Variants in NCOA7 observed in about 807,000 individuals in gnomAD.
NCOA7 encodes the protein nuclear receptor coactivator 7, also known as 140 kDa estrogen receptor-associated protein.
In NCOA7, 45 loss-of-function variants were observed where a neutral mutation model predicts 104.3. That is an observed-to-expected ratio of 0.43 (90% CI 0.34 to 0.55). The LOEUF is 0.55. Among genes scored for constraint, NCOA7 ranks in the 20% least tolerant of loss-of-function variants. The pLI is 0.02. For synonymous variants in NCOA7, 398 were observed against 402.3 expected, an observed-to-expected ratio of 0.99 and a Z score of 0.13; for missense variants, 1,041 against 1,119.7, an observed-to-expected ratio of 0.93 and a Z score of 1.00.
chr6:125,873,783 C>G (rs1411397313), intron 3 of NCOA7, among the ~76,000 whole-genome samples: 2 of 152,212 alleles, frequency 1.3e-5, no homozygotes, highest in African/African-American at 4.8e-5. Flanking sequence ...ATACAGCTTT[C>G]TGATTTTACC....
intron 5 of NCOA7, among the ~76,000 whole-genome samples, chr6:125,880,581 G>A (rs1434509938): frequency 1.3e-5 from 2 of 151,902 alleles, no homozygotes; most frequent in Admixed American, 6.6e-5. Context: ...AGGCTGGAGT[G>A]CAGTGGCACG....
chr6:125,882,183 T>A lies in NCOA7; in HGVS notation c.574-243T>A, dbSNP rs1783895687. ...TAGGTTAGTTTCTAAAGACATTTCA[T>A]GAGTAAGTTTTATGGGTTCATACAT... On this transcript the variant is annotated intron_variant, in intron 6 of 15. Transcript: ENST00000392477. Among the ~76,000 whole-genome samples the A allele has an allele frequency of 2.0e-5, 3 of 152,276 alleles. No individual in the cohort carries two copies. In the South Asian group the frequency reaches 6.2e-4, roughly 32 times the overall value.
chr6:125,845,290 G>A (rs1780508273), intron 2 of NCOA7, among the ~76,000 whole-genome samples: 1 of 151,594 alleles, frequency 6.6e-6, no homozygotes, highest in South Asian at 2.1e-4. Context: ...AAGTGATGTG[G>A]GATTGCAGTC....
intron 2 of NCOA7, among the ~76,000 whole-genome samples, chr6:125,824,744 C>T (rs1403898447): frequency 6.6e-6 from 1 of 152,060 alleles, no homozygotes; most frequent in Non-Finnish European, 1.5e-5. Flanking sequence ...ACTGTCTCCT[C>T]TCCTCCATCT....
intron 1 of NCOA7, among the ~76,000 whole-genome samples, chr6:125,805,084 G>GCTCTTTTTTTTTTTT (rs1776308490): frequency 1.5e-5 from 1 of 66,624 alleles, no homozygotes; most frequent in African/African-American, 5.5e-5. Context: ...TCACCCTCTT[G>GCTCTTTTTTTTTTTT]TTCTTTTTTT....
At chr6:125,848,576 C>T (rs1040606605) in intron 2 of NCOA7, among the ~76,000 whole-genome samples, 27 of 152,060 alleles carry the variant, frequency 1.8e-4, no homozygotes, top group African/African-American at 5.8e-4. Flanking sequence ...CGAATGTTCT[C>T]ACTCATAGGT....
chr6:125,869,579 G>C (rs1782716123), intron 3 of NCOA7, among the ~76,000 whole-genome samples: 1 of 152,194 alleles, frequency 6.6e-6, no homozygotes, highest in South Asian at 2.1e-4. Flanking sequence ...AGATTTTCCA[G>C]GGCTATCAAC....
chr6:125,907,024 GACT>G (rs1786072776), intron 10 of NCOA7, among the ~76,000 whole-genome samples: 1 of 152,130 alleles, frequency 6.6e-6, no homozygotes, highest in Non-Finnish European at 1.5e-5. Flanking sequence ...GTCTCCAGAG[GACT>G]TAGAACTTAA....
intron 10 of NCOA7, among the ~76,000 whole-genome samples, chr6:125,895,005 C>T (rs761147619): frequency 8.6e-5 from 13 of 151,962 alleles, no homozygotes; most frequent in African/African-American, 1.2e-4. Flanking sequence ...TATAATATTC[C>T]GTGAATTTGG....
rs576834860 is a variant in NCOA7, at chr6:125,809,520, C to T, written c.-64-5771C>T. The stretch of plus-strand genomic sequence containing the variant: ...TTGTGGCACACGTTTGTATCTGGTT[C>T]TGCGTCCTTCCCAGGTTTCTCTACT... On this transcript the variant is annotated intron_variant, in intron 1 of 15. Transcript: ENST00000392477. Among the ~76,000 whole-genome samples the T allele has an allele frequency of 2.0e-5, 3 of 152,294 alleles. No individual in the cohort carries two copies. The South Asian group carries it at 6.2e-4, about 32-fold the overall frequency.
At chr6:125,915,557 C>A in intron 11 of NCOA7, 77 bp downstream of exon 11, 2 of 1,560,618 alleles carry the variant, frequency 1.3e-6, no homozygotes, top group Non-Finnish European at 1.8e-6. Flanking sequence ...TTCCATGTAA[C>A]AGGCTGGTAA....
chr6:125,872,464 C>T (rs1313247218), intron 3 of NCOA7, among the ~76,000 whole-genome samples: 1 of 152,168 alleles, frequency 6.6e-6, no homozygotes. Flanking sequence ...ATTCTGAAAG[C>T]ACGAAGACCT....
chr6:125,886,012 A>G (rs1583462622), intron 8 of NCOA7, among the ~76,000 whole-genome samples: 1 of 152,208 alleles, frequency 6.6e-6, no homozygotes, highest in Non-Finnish European at 1.5e-5. Flanking sequence ...TAACTGATAC[A>G]GATAATCTGA....
intron 1 of NCOA7, among the ~76,000 whole-genome samples, chr6:125,814,036 C>T (rs1777335870): frequency 6.6e-6 from 1 of 152,058 alleles, no homozygotes; most frequent in African/African-American, 2.4e-5. Context: ...TATCTTTGAC[C>T]TCTGGGACTT....
intron 10 of NCOA7, chr6:125,899,889 TGTAA>T (rs1785346146): frequency 2.1e-6 from 1 of 480,492 alleles, no homozygotes; most frequent in Admixed American, 2.1e-5. Flanking sequence ...TAATCTTCTT[TGTAA>T]GTGAGCTCTT....
chr6:125,924,065 A>C (rs1324564934), intron 13 of NCOA7, among the ~76,000 whole-genome samples: 1 of 152,184 alleles, frequency 6.6e-6, no homozygotes, highest in Non-Finnish European at 1.5e-5. Flanking sequence ...GAGTCAAGAT[A>C]AAAAAATTAA....
At chr6:125,886,255 G>A (rs1784251358) in intron 8 of NCOA7, among the ~76,000 whole-genome samples, 1 of 151,478 alleles carries the variant, frequency 6.6e-6, no homozygotes, top group Admixed American at 6.6e-5. Context: ...ATTAGAATCT[G>A]GTCCACTCAG....
chr6:125,890,510 A>T (rs1468334066), intron 9 of NCOA7, 132 bp from the exon 10 acceptor site: 11 of 873,014 alleles, frequency 1.3e-5, no homozygotes, highest in Non-Finnish European at 1.8e-5. Flanking sequence ...ATTAGTCCTG[A>T]TACGATGTTG....
At chr6:125,861,735 G>A (rs1456774992) in intron 3 of NCOA7, among the ~76,000 whole-genome samples, 1 of 152,052 alleles carries the variant, frequency 6.6e-6, no homozygotes, top group African/African-American at 2.4e-5. Flanking sequence ...TGTGGCTGAA[G>A]GAATGAAAGT....
Sources: allele counts gnomAD v4.1 joint callset (sites outside exome capture counted in the v4.1 genomes callset), GRCh38; gene constraint gnomAD v4.1.1; transcripts MANE v1.5; gene names NCBI Gene and HGNC (gene_info 2026-07-23, HGNC 2026-07-21).